CUBN: variants seen among roughly 807,000 people sequenced by gnomAD.
CUBN encodes the protein 460 kDa receptor.
CUBN carries 282 observed loss-of-function variants against 405.3 expected under a neutral mutation model. The observed-to-expected ratio is 0.70, with a 90% CI of 0.63 to 0.77. CUBN has a LOEUF of 0.77. CUBN is among the 30% of genes least tolerant of loss of function. The pLI is 0.00. For synonymous variants in CUBN, 1,684 were observed against 1,617.0 expected (o/e 1.04, Z -0.99); for missense variants, 4,514 against 4,475.2 (o/e 1.01, Z -0.25).
intron 10 of CUBN, 46 bp downstream of exon 10, chr10:17,109,594 G>T: frequency 7.0e-7 from 1 of 1,432,354 alleles, no homozygotes; most frequent in Non-Finnish European, 9.9e-7. Context: ...TGGTTTAGAA[G>T]GTCATATTAC....
intron 22 of CUBN, among the ~76,000 whole-genome samples, chr10:17,055,931 G>T (rs537860982): frequency 6.6e-6 from 1 of 152,088 alleles, no homozygotes; most frequent in South Asian, 2.1e-4. Flanking sequence ...TGAATATGGA[G>T]ACACAAAAAA....
At chr10:17,014,246 A>G (rs368943480) in intron 28 of CUBN, among the ~76,000 whole-genome samples, 66 of 152,182 alleles carry the variant, frequency 4.3e-4, no homozygotes, top group African/African-American at 1.5e-3. Flanking sequence ...GAGTCTAAGG[A>G]CCCCAAGAGC....
chr10:16,846,384 A>G (rs930158407), intron 60 of CUBN, among the ~76,000 whole-genome samples: 6 of 152,214 alleles, frequency 3.9e-5, no homozygotes, highest in African/African-American at 1.4e-4. Flanking sequence ...ATATACGAAG[A>G]CACACTATTT....
intron 5 of CUBN, 117 bp from the exon 6 acceptor site, chr10:17,123,015 TCAA>T: frequency 2.7e-6 from 2 of 746,930 alleles, no homozygotes; most frequent in African/African-American, 3.4e-5. Flanking sequence ...CCTCATAAAG[TCAA>T]ATACAATAAT....
chr10:16,903,753 TTAAA>T (rs1223150270), intron 51 of CUBN, among the ~76,000 whole-genome samples: 4 of 149,314 alleles, frequency 2.7e-5, no homozygotes, highest in Admixed American at 6.7e-5. Flanking sequence ...AATTTTAAAA[TTAAA>T]TAATAATTTT....
chr10:16,997,788 G>C (rs1382313194), intron 28 of CUBN, among the ~76,000 whole-genome samples: 2 of 152,182 alleles, frequency 1.3e-5, no homozygotes, highest in Non-Finnish European at 2.9e-5. Context: ...TTCCTGGTTT[G>C]ATGTTACCAG....
In CUBN at chr10:16,933,424, C is replaced by T. The variant is rs79968138; in HGVS notation, c.5927-140G>A. The T allele has an allele frequency of 0.02, 14,554 of 733,450 alleles. 203 individuals carry two copies. The highest frequency in any genetic ancestry group is 0.026 in the Non-Finnish European group (11,355 of 433,748). 45.4% of individuals were successfully genotyped at this position (733,450 alleles called of 1,614,324 possible). On this transcript the variant is annotated intron_variant, in intron 39 of 66. Coordinates refer to ENST00000377833, the MANE Select transcript of CUBN (RefSeq NM_001081.4). ...ATTTCTCAGAGAAATCAATGAATAT[C>T]GTATGTAACCCACTGATTCGGAAAG...
chr10:16,888,524 G>A lies in CUBN; in HGVS notation c.8798C>T (p.Ser2933Phe), dbSNP rs1460238276. The change falls in exon 56 of 67, where the codon TCT (serine) becomes TTT (phenylalanine). Residue 2933 changes from serine (S) to phenylalanine (F), a missense_variant. Transcript: ENST00000377833. ...NFTGPSGYII[S>F]PNYPKQYDNN... is the part of the protein sequence containing the mutation. ...GTCATATTGTTTTGGGTAATTTGGA[G>A]AAATGATGTAACCTGAAGGGCCAGT... 6.2e-7 allele frequency: 1 copy of A among 1,613,686 alleles called. No individual in the cohort carries two copies. The highest frequency in any genetic ancestry group is 1.7e-5 in the Admixed American group (1 of 60,028).
In CUBN at chr10:16,840,224, TA is replaced by T. The variant is rs543709692; in HGVS notation, c.10032+105del. 52 of 1,026,700 alleles carry T rather than the reference TA, an allele frequency of 5.1e-5. No individual in the cohort carries two copies. The East Asian group carries it at 7.2e-4, about 14-fold the overall frequency. The allele number at this position is 1,026,700 out of a possible 1,614,324, so 63.6% of individuals were successfully genotyped here. On this transcript the variant is annotated intron_variant, in intron 62 of 66. Coordinates refer to ENST00000377833, the MANE Select transcript of CUBN (RefSeq NM_001081.4). ...TGTACCCTAAAACTTAAAGTATAAT[TA>T]AAAAAAAGAAAATTATTTCATCATG...
At position 17,123,702 on chromosome 10, in the gene CUBN, C is replaced by G. The variant is rs995511130; in HGVS notation, c.388-13G>C. The G allele has an allele frequency of 6.3e-7, 1 of 1,596,792 alleles. No individual in the cohort carries two copies. The highest frequency in any genetic ancestry group is 1.3e-5 in the African/African-American group (1 of 74,618). On this transcript the variant is annotated splice_polypyrimidine_tract_variant and intron_variant, in intron 4 of 66. Coordinates refer to ENST00000377833, the MANE Select transcript of CUBN (RefSeq NM_001081.4). ...TTTTGTCAACAGTCTGAAACAAAAA[C>G]AGGACAGTCAATGAGATGACTTGCA...
chr10:16,882,340 C>A (rs1157891059), intron 56 of CUBN, among the ~76,000 whole-genome samples: 1 of 152,142 alleles, frequency 6.6e-6, no homozygotes, highest in Non-Finnish European at 1.5e-5. Flanking sequence ...AAAACGATTC[C>A]CTATCATTTG....
chr10:16,903,997 G>A lies in CUBN; in HGVS notation c.8031C>T (p.His2677=), dbSNP rs1240093362. 2 of 1,612,136 alleles carry A rather than the reference G, an allele frequency of 1.2e-6. No individual in the cohort carries two copies. The highest frequency in any genetic ancestry group is 1.3e-5 in the African/African-American group (1 of 74,838). ...IHFVTNERVE[H]IGFHAKYSFT... is the part of the protein sequence containing the mutation. The stretch of plus-strand genomic sequence containing the variant: ...AGGAATACTTTGCATGGAATCCAAT[G>A]TGTTCTACACGTTCGTTGGTGACAA... Residue 2677 remains histidine (H), a synonymous_variant, in exon 51 of 67, where the codon CAC becomes CAT. Transcript: ENST00000377833.
chr10:16,893,132 T>C (rs934238184), intron 54 of CUBN, among the ~76,000 whole-genome samples: 6 of 152,220 alleles, frequency 3.9e-5, no homozygotes, highest in Non-Finnish European at 8.8e-5. Flanking sequence ...GGTCAAAAAC[T>C]TTCTGATTTT....
At chr10:16,844,502 C>T (rs1035235986) in intron 60 of CUBN, among the ~76,000 whole-genome samples, 4 of 152,094 alleles carry the variant, frequency 2.6e-5, no homozygotes, top group South Asian at 2.1e-4. Context: ...TCTGATCCTA[C>T]GTGATGTAAG....
Position 16,901,333 on chromosome 10 carries a change from C to T in CUBN, c.8184+5G>A. On this transcript the variant is annotated splice_donor_5th_base_variant and intron_variant, in intron 52 of 66. Transcript: ENST00000377833. ...GAAGCATTTCACCCAGTCATTAGCACTCACAGTGATGGTGTGCCCTTGTGG... is the reference window on the plus strand; with the variant it reads ...GAAGCATTTCACCCAGTCATTAGCATTCACAGTGATGGTGTGCCCTTGTGG... 6.2e-7 allele frequency: 1 copy of T among 1,614,140 alleles called. No homozygotes were observed. Among genetic ancestry groups the T allele is most frequent in the Non-Finnish European group, 8.5e-7 (1 of 1,179,986 alleles).
chr10:16,852,539 C>G (rs1839748342), intron 59 of CUBN, among the ~76,000 whole-genome samples: 2 of 149,994 alleles, frequency 1.3e-5, no homozygotes, highest in South Asian at 4.4e-4. Context: ...ATCTTTGCCT[C>G]CCTCGCTCTT....
chr10:16,928,128 T>C (rs762522391), intron 41 of CUBN, 29 bp downstream of exon 41: 21 of 1,608,518 alleles, frequency 1.3e-5, no homozygotes, highest in Middle Eastern at 1.9e-4. Flanking sequence ...TGAGATAACA[T>C]GGGATTAAAA....
chr10:17,064,621 G>A (rs1588619981), intron 22 of CUBN, among the ~76,000 whole-genome samples: 1 of 152,092 alleles, frequency 6.6e-6, no homozygotes, highest in South Asian at 2.1e-4. Flanking sequence ...GATGCAAAAG[G>A]AAAGCTCAGA....
chr10:17,110,798 C>A, intron 9 of CUBN, 121 bp downstream of exon 9: 2 of 1,447,360 alleles, frequency 1.4e-6, no homozygotes, highest in Non-Finnish European at 1.9e-6. Flanking sequence ...GCTGGGATTA[C>A]AGGCATGAGC....
Sources: gnomAD v4.1 joint callset for allele counts (sites outside exome capture counted in the v4.1 genomes callset) on GRCh38, gnomAD v4.1.1 for gene constraint, MANE v1.5 for transcripts, NCBI Gene and HGNC (gene_info 2026-07-23, HGNC 2026-07-21) for gene names.